Variants in TCF7L2 observed in about 807,000 individuals in gnomAD.
TCF7L2 encodes transcription factor 7-like 2.
TCF7L2 carries 23 observed loss-of-function variants against 77.9 expected under a neutral mutation model. The observed-to-expected ratio is 0.30, with a 90% CI of 0.21 to 0.42. The LOEUF (loss-of-function observed/expected upper bound fraction) is 0.42, where lower values mean the gene tolerates loss of function less well. Among genes scored for constraint, TCF7L2 ranks in the 10% least tolerant of loss-of-function variants. The pLI is 1.00. For synonymous variants in TCF7L2, 413 were observed against 340.2 expected (o/e 1.21, Z -2.36); for missense variants, 654 against 793.1 (o/e 0.82, Z 2.11).
intron 5 of TCF7L2, among the ~76,000 whole-genome samples, chr10:113,078,837 T>G (rs896551530): frequency 2.1e-5 from 3 of 144,608 alleles, no homozygotes; most frequent in Non-Finnish European, 4.6e-5. Flanking sequence ...TCTTTTTTTG[T>G]TTTTTTTTTT....
intron 12 of TCF7L2, among the ~76,000 whole-genome samples, chr10:113,159,253 A>C (rs1271110634): frequency 6.6e-6 from 1 of 152,016 alleles, no homozygotes; most frequent in Non-Finnish European, 1.5e-5. Flanking sequence ...TGAGCTTCTA[A>C]CTAACTCCTA....
intron 5 of TCF7L2, among the ~76,000 whole-genome samples, chr10:113,067,891 T>C (rs936330079): frequency 3.0e-5 from 4 of 134,600 alleles, no homozygotes; most frequent in Admixed American, 7.6e-5. Context: ...GGGGCTAGAG[T>C]ACAAAATGGA....
intron 4 of TCF7L2, among the ~76,000 whole-genome samples, chr10:112,992,628 G>A (rs2042773049): frequency 6.6e-6 from 1 of 152,120 alleles, no homozygotes; most frequent in African/African-American, 2.4e-5. Flanking sequence ...TAGGACTCAG[G>A]ATAGGAGGTG....
chr10:113,035,496 AGG>A (rs1212360035), intron 4 of TCF7L2, among the ~76,000 whole-genome samples: 17 of 152,212 alleles, frequency 1.1e-4, no homozygotes, highest in Non-Finnish European at 2.4e-4. Flanking sequence ...TTTGTCACCC[AGG>A]CTGGAGTGCA....
chr10:112,981,381 A>C (rs1011201207), intron 4 of TCF7L2, among the ~76,000 whole-genome samples: 5 of 152,154 alleles, frequency 3.3e-5, no homozygotes, highest in African/African-American at 1.2e-4. Context: ...CAGCTTGGTT[A>C]AATTTGCCAG....
chr10:113,031,737 C>T lies in TCF7L2; in HGVS notation c.451-8288C>T, dbSNP rs1482115964. On this transcript the variant is annotated intron_variant, in intron 4 of 13. Transcript: ENST00000627217. Reference sequence around the variant, plus strand: ...TACTGACCTCAAAGTGATCCGCCCACCTCTGCCTCTTAAAGTGCTGGGATT... The same window carrying T: ...TACTGACCTCAAAGTGATCCGCCCATCTCTGCCTCTTAAAGTGCTGGGATT... Among the ~76,000 whole-genome samples the T allele has an allele frequency of 2.6e-5, 4 of 152,296 alleles. 1 individual carries two copies. Among genetic ancestry groups the T allele is most frequent in the Admixed American group, 2.6e-4 (4 of 15,298 alleles).
rs2136839331 is a variant in TCF7L2, at chr10:113,141,217, C to A, written c.586C>A (p.His196Asn). Reference sequence around the variant, plus strand: ...AGTGCCAGTGGTGCAGCACCCTCACCATGTCCACCCCCTCACGCCTCTTAT... The same window carrying A: ...AGTGCCAGTGGTGCAGCACCCTCACAATGTCCACCCCCTCACGCCTCTTAT... The change falls in exon 6 of 14, where the codon CAT becomes AAT. Residue 196 changes from histidine (H) to asparagine (N), a missense_variant. Physicochemically the swap from His to Asn is moderately conservative, Grantham distance 68. Transcript: ENST00000627217. 2 of 1,614,138 alleles carry A rather than the reference C, an allele frequency of 1.2e-6. No homozygotes were observed. The highest frequency in any genetic ancestry group is 1.7e-6 in the Non-Finnish European group (2 of 1,180,030).
intron 5 of TCF7L2, among the ~76,000 whole-genome samples, chr10:113,076,840 A>G (rs2058747394): frequency 6.6e-6 from 1 of 152,194 alleles, no homozygotes; most frequent in South Asian, 2.1e-4. Flanking sequence ...GGACACATCT[A>G]ATTGGGTGTA....
At chr10:113,051,254 T>C (rs902948897) in intron 5 of TCF7L2, among the ~76,000 whole-genome samples, 170 of 129,746 alleles carry the variant, frequency 1.3e-3, no homozygotes, top group Non-Finnish European at 2.3e-3. Context: ...GACACATACA[T>C]ATGCACACAC....
intron 4 of TCF7L2, among the ~76,000 whole-genome samples, chr10:112,967,480 A>G (rs2037220750): frequency 6.6e-6 from 1 of 152,118 alleles, no homozygotes; most frequent in Non-Finnish European, 1.5e-5. Context: ...ACTTTCTTAT[A>G]AAAGGTTTGG....
intron 5 of TCF7L2, among the ~76,000 whole-genome samples, chr10:113,098,031 CAG>C (rs1322634010): frequency 8.9e-6 from 1 of 112,822 alleles, no homozygotes; most frequent in Admixed American, 1.3e-4. Context: ...GCCTGGGTGA[CAG>C]AGTGAGACTC....
chr10:113,165,701 A>C lies in TCF7L2; in HGVS notation c.1538A>C (p.Gln513Pro). The C allele has an allele frequency of 1.2e-6, 2 of 1,601,458 alleles. No homozygotes were observed. The highest frequency in any genetic ancestry group is 1.7e-6 in the Non-Finnish European group (2 of 1,177,310). The change falls in exon 14 of 14, where the codon CAG becomes CCG. Residue 513 changes from glutamine (Q) to proline (P), a missense_variant. By Grantham distance (76) the Gln-to-Pro change is moderately conservative. Around this residue, in one of 6 missense-constraint regions of TCF7L2, gnomAD observed 272 missense variants for 215.4 expected, o/e 1.26. Coordinates refer to ENST00000627217, the MANE Select transcript of TCF7L2 (RefSeq NM_001146274.2). ...CGAGACGCCAAGTCACAGACTGAGCAGACCCAGCCTCTGTCGCTGTCCCTG... is the reference window on the plus strand; with the variant it reads ...CGAGACGCCAAGTCACAGACTGAGCCGACCCAGCCTCTGTCGCTGTCCCTG...
chr10:112,954,998 GT>G lies in TCF7L2; in HGVS notation c.381+3397del, dbSNP rs1216769816. Among the ~76,000 whole-genome samples the G allele has an allele frequency of 2.6e-5, 4 of 152,076 alleles. No homozygotes were observed. In the East Asian group the frequency reaches 7.7e-4, roughly 29 times the overall value. ...TCTTTCTGGCTTGTGAAAAATGGAC[GT>G]TTTTTCCTCACTGAAACAACATAAT... On this transcript the variant is annotated intron_variant, in intron 3 of 13. Coordinates refer to ENST00000627217, the MANE Select transcript of TCF7L2 (RefSeq NM_001146274.2).
At chr10:113,106,887 C>T (rs943487803) in intron 5 of TCF7L2, among the ~76,000 whole-genome samples, 1 of 152,194 alleles carries the variant, frequency 6.6e-6, no homozygotes, top group African/African-American at 2.4e-5. Flanking sequence ...ACAAGTTTGG[C>T]ACCAACACTA....
chr10:113,082,568 T>C (rs901671182), intron 5 of TCF7L2, among the ~76,000 whole-genome samples: 2 of 152,292 alleles, frequency 1.3e-5, no homozygotes, highest in Admixed American at 6.5e-5. Flanking sequence ...TGTTGAACTT[T>C]TATTCAGTAA....
intron 4 of TCF7L2, among the ~76,000 whole-genome samples, chr10:112,965,888 T>C (rs1007447472): frequency 9.2e-5 from 14 of 152,166 alleles, no homozygotes; most frequent in Admixed American, 5.9e-4. Context: ...TTAAAAATAT[T>C]TGAGGCTGGG....
At chr10:113,092,695 C>T (rs758311445) in intron 5 of TCF7L2, among the ~76,000 whole-genome samples, 1 of 152,136 alleles carries the variant, frequency 6.6e-6, no homozygotes, top group Non-Finnish European at 1.5e-5. Context: ...GAAACCCCGT[C>T]TCTACTAAAA....
At chr10:113,152,172 A>G (rs1351684144) in intron 10 of TCF7L2, among the ~76,000 whole-genome samples, 161 bp from the exon 11 acceptor site, 3 of 152,178 alleles carry the variant, frequency 2.0e-5, no homozygotes, top group Non-Finnish European at 4.4e-5. Flanking sequence ...TAGTGCCAGG[A>G]CCCAGCCGAC....
At chr10:113,005,491 T>C (rs1390845649) in intron 4 of TCF7L2, among the ~76,000 whole-genome samples, 1 of 152,158 alleles carries the variant, frequency 6.6e-6, no homozygotes, top group Non-Finnish European at 1.5e-5. Flanking sequence ...TGGGCTCAGC[T>C]CTGGCTTTGG....
Sources: gnomAD v4.1 joint callset for allele counts (sites outside exome capture counted in the v4.1 genomes callset) on GRCh38, gnomAD v4.1.1 for gene constraint, gnomAD v4.1.1 regional missense constraint, MANE v1.5 for transcripts, NCBI Gene and HGNC (gene_info 2026-07-23, HGNC 2026-07-21) for gene names.